BCAS3: variants seen among roughly 807,000 people sequenced by gnomAD.
BCAS3 encodes BCAS4/BCAS3 fusion.
In BCAS3, 53 loss-of-function variants were observed where a neutral mutation model predicts 116.1. The ratio of observed to expected loss-of-function variants is 0.46; its 90% confidence interval spans 0.37 to 0.57. The LOEUF is 0.57. BCAS3 is among the 20% of genes least tolerant of loss of function. The pLI is 0.00. For synonymous variants in BCAS3, 391 were observed against 408.2 expected (o/e 0.96, Z 0.51); for missense variants, 917 against 1,165.4 (o/e 0.79, Z 3.10).
At chr17:60,875,827 T>G (rs1322073070) in intron 9 of BCAS3, among the ~76,000 whole-genome samples, 1 of 151,962 alleles carries the variant, frequency 6.6e-6, no homozygotes, top group Non-Finnish European at 1.5e-5. Context: ...ACTTTTTATT[T>G]TGGGAAATAT....
chr17:61,312,882 G>GGAT, intron 22 of BCAS3, among the ~76,000 whole-genome samples: 1 of 152,150 alleles, frequency 6.6e-6, no homozygotes, highest in Non-Finnish European at 1.5e-5. Flanking sequence ...CCCACAAGAT[G>GGAT]GCCTCTTCAC....
intron 6 of BCAS3, among the ~76,000 whole-genome samples, chr17:60,807,093 AT>A (rs905351479): frequency 2.2e-4 from 33 of 150,788 alleles, no homozygotes; most frequent in African/African-American, 4.6e-4. Context: ...TATTTTTGTT[AT>A]TTTTTTTTGT....
At chr17:60,813,698 G>T (rs1280470944) in intron 7 of BCAS3, among the ~76,000 whole-genome samples, 1 of 151,992 alleles carries the variant, frequency 6.6e-6, no homozygotes. Context: ...TGTTTTTGTT[G>T]CAATTGCTTT....
chr17:61,287,862 G>A (rs927652915), intron 22 of BCAS3, among the ~76,000 whole-genome samples: 8 of 152,194 alleles, frequency 5.3e-5, no homozygotes, highest in African/African-American at 2.4e-5. Flanking sequence ...GCCAAGTATT[G>A]TTCTAAGTAT....
intron 22 of BCAS3, among the ~76,000 whole-genome samples, chr17:61,318,001 G>A (rs1437601610): frequency 6.6e-6 from 1 of 152,234 alleles, no homozygotes; most frequent in Non-Finnish European, 1.5e-5. Context: ...TAACGCGTAG[G>A]ACCAACAGTG....
intron 19 of BCAS3, among the ~76,000 whole-genome samples, chr17:61,044,465 A>AAAAAT: frequency 3.2e-4 from 39 of 120,116 alleles, no homozygotes; most frequent in African/African-American, 1.6e-3. Flanking sequence ...AAAAAAAAAA[A>AAAAAT]ATATATATAT....
intron 22 of BCAS3, among the ~76,000 whole-genome samples, chr17:61,268,719 A>C (rs928045888): frequency 6.6e-6 from 1 of 151,760 alleles, no homozygotes. Context: ...CACCAAACCC[A>C]GCTAATTTTT....
At chr17:61,283,206 A>G (rs2051392195) in intron 22 of BCAS3, among the ~76,000 whole-genome samples, 1 of 152,114 alleles carries the variant, frequency 6.6e-6, no homozygotes, top group South Asian at 2.1e-4. Flanking sequence ...AAAGGTGACC[A>G]TTTTTACTGG....
At chr17:60,726,308 C>A (rs1286122803) in intron 5 of BCAS3, among the ~76,000 whole-genome samples, 3 of 147,076 alleles carry the variant, frequency 2.0e-5, no homozygotes, top group Admixed American at 6.9e-5. Context: ...TCAAGTGATT[C>A]TCCTGCCTTA....
chr17:60,754,959 G>C (rs2042867002), intron 6 of BCAS3, among the ~76,000 whole-genome samples: 1 of 152,110 alleles, frequency 6.6e-6, no homozygotes, highest in Non-Finnish European at 1.5e-5. Context: ...CTTTATTATT[G>C]AGGTCTTACT....
At position 61,262,853 on chromosome 17, in the gene BCAS3, C is replaced by T. The variant is rs56396043; in HGVS notation, c.2426-105474C>T. 6.1e-3 allele frequency among the ~76,000 whole-genome samples: 931 copies of T among 151,430 alleles called. 4 individuals are homozygous for T. Among genetic ancestry groups the T allele is most frequent in the African/African-American group, 0.022 (891 of 41,290 alleles). ...GATTACAGGCATGTGCCGCCACCCC[C>T]GGCTAATTTTGTATTTTTAGTAGAG... On this transcript the variant is annotated intron_variant, in intron 22 of 23. Transcript: ENST00000407086.
intron 5 of BCAS3, among the ~76,000 whole-genome samples, chr17:60,718,455 G>A (rs1194843822): frequency 6.6e-6 from 1 of 151,942 alleles, no homozygotes; most frequent in Non-Finnish European, 1.5e-5. Context: ...AATTTTTTTA[G>A]ACAGAGTCTT....
At chr17:61,246,432 A>G (rs1185210343) in intron 22 of BCAS3, among the ~76,000 whole-genome samples, 1 of 145,452 alleles carries the variant, frequency 6.9e-6, no homozygotes, top group East Asian at 2.0e-4. Context: ...AGATGGTGCC[A>G]CTGCACACCA....
Position 61,008,019 on chromosome 17 carries a change from T to G in BCAS3, c.1487-7732T>G, listed in dbSNP as rs916486205. On this transcript the variant is annotated intron_variant, in intron 15 of 23. Transcript: ENST00000407086. The surrounding 1 kb of genome is among the most constrained non-coding windows in gnomAD (Gnocchi z 4.6). ...AACTGTTTGTTGTGTTTATAGTCTT[T>G]AAAAATGTGTGTCTGTGTGTCGACA... Among the ~76,000 whole-genome samples the G allele has an allele frequency of 6.6e-6, 1 of 151,324 alleles. No homozygotes were observed. The highest frequency in any genetic ancestry group is 1.5e-5 in the Non-Finnish European group (1 of 67,936).
chr17:60,990,156 A>G lies in BCAS3; in HGVS notation c.1407A>G (p.Gln469=). 6.2e-7 allele frequency: 1 copy of G among 1,614,214 alleles called. No homozygotes were observed. The change falls in exon 15 of 24, where the codon CAA becomes CAG. Residue 469 remains glutamine, a synonymous_variant. Transcript: ENST00000407086. The surrounding 1 kb of genome is among the most constrained non-coding windows in gnomAD (Gnocchi z 5.1). The part of the protein sequence containing the change: ...QKSAGLEEIE[Q]ELTSKQGGRC... ...GTGCTGGACTGGAAGAGATTGAACAAGAACTGACGTCTAAGCAAGGAGGTC... is the reference window on the plus strand; with the variant it reads ...GTGCTGGACTGGAAGAGATTGAACAGGAACTGACGTCTAAGCAAGGAGGTC...
chr17:61,167,199 A>C (rs2078560063), intron 22 of BCAS3, among the ~76,000 whole-genome samples: 1 of 152,256 alleles, frequency 6.6e-6, no homozygotes, highest in Non-Finnish European at 1.5e-5. Context: ...AGTGCATTTC[A>C]ATTACTTAAA....
chr17:61,030,126 A>G (rs1022582418), intron 16 of BCAS3, among the ~76,000 whole-genome samples: 4 of 152,264 alleles, frequency 2.6e-5, no homozygotes, highest in South Asian at 4.1e-4. Context: ...AAGCTGTTAT[A>G]CCACTTGTAA....
intron 22 of BCAS3, among the ~76,000 whole-genome samples, chr17:61,160,214 T>C (rs1017336262): frequency 3.3e-5 from 5 of 151,680 alleles, no homozygotes; most frequent in African/African-American, 1.2e-4. Flanking sequence ...TTGCATGTTA[T>C]GGTGACCTGA....
chr17:61,266,707 A>G (rs2049749847), intron 22 of BCAS3, among the ~76,000 whole-genome samples: 1 of 152,196 alleles, frequency 6.6e-6, no homozygotes, highest in Non-Finnish European at 1.5e-5. Context: ...TATGACTCAC[A>G]GCCCTTTGCA....
Sources: gnomAD v4.1 joint callset for allele counts (sites outside exome capture counted in the v4.1 genomes callset) on GRCh38, gnomAD v4.1.1 for gene constraint, Gnocchi (gnomAD v3.1) non-coding constraint, MANE v1.5 for transcripts, NCBI Gene and HGNC (gene_info 2026-07-23, HGNC 2026-07-21) for gene names.